Variants in VPS13A observed in about 807,000 individuals in gnomAD.
The protein encoded by VPS13A is vacuolar protein sorting 13 homolog A, also known as intermembrane lipid transfer protein VPS13A.
Under a neutral mutation model 390.9 loss-of-function variants are expected in VPS13A, and 264 were observed. The observed-to-expected ratio is 0.68, with a 90% confidence interval of 0.61 to 0.75. VPS13A has a LOEUF of 0.75. Ranked by LOEUF, VPS13A falls within the 30% of genes least tolerant of loss-of-function variation. VPS13A has a pLI of 0.00. For synonymous variants in VPS13A, 1,231 were observed against 1,227.1 expected, an observed-to-expected ratio of 1.00 and a Z score of -0.07; for missense variants, 3,409 against 3,733.9, an observed-to-expected ratio of 0.91 and a Z score of 2.27.
chr9:77,305,951 A>G (rs1280139118), intron 34 of VPS13A, among the ~76,000 whole-genome samples: 1 of 152,210 alleles, frequency 6.6e-6, no homozygotes, highest in African/African-American at 2.4e-5. Flanking sequence ...AAAGTGAAGG[A>G]AGAGTGCCAA....
intron 12 of VPS13A, 48 bp downstream of exon 12, chr9:77,220,431 T>C (rs1479349167): frequency 8.0e-7 from 1 of 1,256,456 alleles, no homozygotes; most frequent in Non-Finnish European, 1.1e-6. Context: ...AAATACAACA[T>C]AAAAATAAAT....
At chr9:77,377,275 AG>A (rs1833150386) in intron 67 of VPS13A, among the ~76,000 whole-genome samples, 1 of 124,008 alleles carries the variant, frequency 8.1e-6, no homozygotes, top group Non-Finnish European at 1.6e-5. Flanking sequence ...TGCGGACTGC[AG>A]TGGCGCAATC....
chr9:77,339,559 C>T lies in VPS13A; in HGVS notation c.6422C>T (p.Ala2141Val), dbSNP rs1234360682. ...TTTACTCTAAGTGAAGGACATTCAG[C>T]CCAGATTTGTACTGCACAGTTGGGT... ...SVFTLSEGHS[A>V]QICTAQLGKA... The change falls in exon 48 of 72, where the codon GCC becomes GTC. Residue 2141 changes from alanine (A) to valine (V), a missense_variant. Coordinates refer to ENST00000360280, the MANE Select transcript of VPS13A (RefSeq NM_033305.3). 8 of 1,581,192 alleles carry T rather than the reference C, an allele frequency of 5.1e-6. No individual in the cohort carries two copies. The highest frequency in any genetic ancestry group is 6.9e-6 in the Non-Finnish European group (8 of 1,162,144).
At chr9:77,297,205 AT>A (rs2131379424) in intron 33 of VPS13A, among the ~76,000 whole-genome samples, 1 of 151,818 alleles carries the variant, frequency 6.6e-6, no homozygotes, top group African/African-American at 2.4e-5. Context: ...AAGATTATTG[AT>A]TTGAAACATT....
In VPS13A at chr9:77,321,537, A is replaced by G; in HGVS notation, c.5621A>G (p.Asp1874Gly). The G allele has an allele frequency of 6.2e-7, 1 of 1,613,548 alleles. No homozygotes were observed. The change falls in exon 44 of 72, where the codon GAT becomes GGT. Residue 1874 changes from aspartate (D) to glycine (G), a missense_variant. Transcript: ENST00000360280. ...ATGSSADFVK[D>G]LAPFMILNSL... ...GGATCTTCAGCTGACTTCGTAAAGG[A>G]TCTAGCACCATTTATGATTTTAAAT...
At chr9:77,279,567 T>G (rs1427519369) in intron 26 of VPS13A, among the ~76,000 whole-genome samples, 2 of 152,056 alleles carry the variant, frequency 1.3e-5, no homozygotes, top group African/African-American at 4.8e-5. Flanking sequence ...CTTGTTCTCG[T>G]TTAGGGCCTC....
intron 26 of VPS13A, among the ~76,000 whole-genome samples, chr9:77,277,539 G>A (rs1327213822): frequency 6.6e-6 from 1 of 152,160 alleles, no homozygotes; most frequent in Non-Finnish European, 1.5e-5. Flanking sequence ...CTCATGTGGA[G>A]TAGTTTCACT....
chr9:77,373,948 C>A (rs1832934753), intron 67 of VPS13A, among the ~76,000 whole-genome samples: 1 of 152,174 alleles, frequency 6.6e-6, no homozygotes. Flanking sequence ...ATTTTTCATT[C>A]ATTCCTAGCA....
At position 77,283,593 on chromosome 9, in the gene VPS13A, C is replaced by T. The variant is rs372019796; in HGVS notation, c.3282C>T (p.Asn1094=). The T allele has an allele frequency of 1.3e-4, 213 of 1,613,206 alleles. No homozygotes were observed. Among genetic ancestry groups the T allele is most frequent in the East Asian group, 2.9e-4 (13 of 44,732 alleles). Residue 1094 remains asparagine, a synonymous_variant, in exon 31 of 72, where the codon AAC becomes AAT. Transcript: ENST00000360280. The stretch of plus-strand genomic sequence containing the variant: ...TGAGGCCTTCAGAAACTGAAATAAA[C>T]GCAAAGCTAAGGAATATAATTGTTT... ...MIMRPSETEI[N]AKLRNIIVLD...
chr9:77,356,226 G>A (rs1480700694), intron 54 of VPS13A, among the ~76,000 whole-genome samples: 3 of 152,094 alleles, frequency 2.0e-5, no homozygotes, highest in Admixed American at 2.0e-4. Context: ...TACCTGAAAT[G>A]TTTTCCTCCT....
intron 54 of VPS13A, among the ~76,000 whole-genome samples, chr9:77,355,630 T>G (rs1231839892): frequency 6.6e-6 from 1 of 152,204 alleles, no homozygotes; most frequent in African/African-American, 2.4e-5. Flanking sequence ...TTCTTAAACT[T>G]CATATGTGTA....
In VPS13A at chr9:77,419,449, C is replaced by T. The variant is rs1324924434; in HGVS notation, c.*3443C>T. 1 of 152,104 alleles carries T rather than the reference C, an allele frequency of 6.6e-6. No homozygotes were observed. Among genetic ancestry groups the T allele is most frequent in the Non-Finnish European group, 1.5e-5 (1 of 68,028 alleles). 9.4% of individuals were successfully genotyped at this position (152,104 alleles called of 1,614,324 possible). A position where few individuals can be genotyped will look rare whatever the true frequency, so the allele number is the denominator to read the frequency against. ...AAGCTTGAAAGACTGCTGCAGGAGG[C>T]ACCGGCCATCCAGTGATTGTTGGAA... On this transcript the variant is annotated 3_prime_UTR_variant, in exon 72 of 72. Transcript: ENST00000360280.
Position 77,213,486 on chromosome 9 carries a change from T to C in VPS13A, c.696+172T>C, listed in dbSNP as rs540986251. On this transcript the variant is annotated intron_variant, in intron 9 of 71. Transcript: ENST00000360280. ...GTAACTATACACAAACATGAATACA[T>C]ACCCCCATATCTTTTTTTTTTTTTT... Among the ~76,000 whole-genome samples, 74 of 150,324 alleles carry C rather than the reference T, an allele frequency of 4.9e-4. No individual in the cohort carries two copies. In the East Asian group the frequency reaches 0.012, roughly 25 times the overall value.
At chr9:77,406,143 GAA>G (rs11325886) in intron 70 of VPS13A, among the ~76,000 whole-genome samples, 156 bp downstream of exon 70, 55 of 139,664 alleles carry the variant, frequency 3.9e-4, no homozygotes, top group African/African-American at 7.8e-4. Flanking sequence ...AGGCTTAAAG[GAA>G]AAAAAAAAAA....
At chr9:77,215,358 TTAAAA>T (rs1442078279) in intron 10 of VPS13A, among the ~76,000 whole-genome samples, 1 of 152,230 alleles carries the variant, frequency 6.6e-6, no homozygotes, top group Admixed American at 6.5e-5. Flanking sequence ...GTGCCCACTC[TTAAAA>T]TAATTATTTT....
intron 31 of VPS13A, among the ~76,000 whole-genome samples, chr9:77,285,984 C>T (rs1827300660): frequency 6.6e-6 from 1 of 152,038 alleles, no homozygotes; most frequent in South Asian, 2.1e-4. Flanking sequence ...TTACTGTATC[C>T]TGTGTTTCCT....
chr9:77,214,407 A>G, intron 10 of VPS13A, 21 bp downstream of exon 10: 1 of 1,587,302 alleles, frequency 6.3e-7, no homozygotes, highest in Non-Finnish European at 8.6e-7. Flanking sequence ...TTTATAAGAT[A>G]AAAAAAGTAG....
intron 71 of VPS13A, among the ~76,000 whole-genome samples, chr9:77,414,141 G>T (rs550647167): frequency 7.3e-4 from 111 of 152,332 alleles, no homozygotes; most frequent in African/African-American, 2.6e-3. Context: ...ACTGTTGGTG[G>T]GAGTGTAAAC....
chr9:77,213,491 C>G (rs1348201250), intron 9 of VPS13A, among the ~76,000 whole-genome samples, 177 bp downstream of exon 9: 2 of 149,300 alleles, frequency 1.3e-5, no homozygotes, highest in Admixed American at 6.7e-5. Flanking sequence ...ATACATACCC[C>G]CATATCTTTT....
Sources: gnomAD v4.1 joint callset for allele counts (sites outside exome capture counted in the v4.1 genomes callset) on GRCh38, gnomAD v4.1.1 for gene constraint, MANE v1.5 for transcripts, NCBI Gene and HGNC (gene_info 2026-07-23, HGNC 2026-07-21) for gene names.